TNNI3K: variants seen among roughly 807,000 people sequenced by gnomAD.
TNNI3K encodes the protein TNNI3 interacting kinase.
TNNI3K carries 140 observed loss-of-function variants against 114.5 expected under a neutral mutation model. The ratio of observed to expected loss-of-function variants is 1.22; its 90% CI spans 1.07 to 1.41. The LOEUF (loss-of-function observed/expected upper bound fraction) is 1.41. Among genes scored for constraint, TNNI3K ranks in the 40% most tolerant of loss-of-function variants. TNNI3K has a pLI of 0.00. For synonymous variants in TNNI3K, 347 were observed against 347.5 expected (o/e 1.00, Z 0.02); for missense variants, 1,125 against 1,007.6 (o/e 1.12, Z -1.58).
chr1:74,420,798 A>G (rs928086482), intron 17 of TNNI3K, among the ~76,000 whole-genome samples: 1 of 152,090 alleles, frequency 6.6e-6, no homozygotes. Context: ...ACTTTTATCA[A>G]TCTTTGAAAC....
intron 11 of TNNI3K, chr1:74,366,807 A>T (rs1221850057): frequency 6.6e-6 from 1 of 152,516 alleles, no homozygotes; most frequent in African/African-American, 2.4e-5. Context: ...GCTGCATAAT[A>T]CTACAATACT....
chr1:74,479,366 A>G (rs1025442652), intron 21 of TNNI3K, among the ~76,000 whole-genome samples: 4 of 152,224 alleles, frequency 2.6e-5, no homozygotes, highest in Admixed American at 1.3e-4. Flanking sequence ...CATAAATTTT[A>G]AATTACAAAA....
At chr1:74,532,616 C>T (rs2100444986) in intron 23 of TNNI3K, among the ~76,000 whole-genome samples, 1 of 151,326 alleles carries the variant, frequency 6.6e-6, no homozygotes, top group Non-Finnish European at 1.5e-5. Flanking sequence ...CTAATGCTAT[C>T]CCTCCCCCCT....
chr1:74,364,211 C>G (rs1004747103), intron 11 of TNNI3K, among the ~76,000 whole-genome samples: 9 of 151,496 alleles, frequency 5.9e-5, no homozygotes, highest in Non-Finnish European at 2.9e-5. Context: ...TGCTATGTTG[C>G]CCAGCCTGGT....
intron 5 of TNNI3K, 44 bp from the exon 6 acceptor site, chr1:74,331,406 A>T (rs894662114): frequency 2.5e-6 from 4 of 1,589,040 alleles, no homozygotes; most frequent in Non-Finnish European, 3.4e-6. Flanking sequence ...TAATAGGCAG[A>T]TAACTCAACT....
intron 17 of TNNI3K, among the ~76,000 whole-genome samples, chr1:74,417,366 G>A (rs988935754): frequency 5.9e-5 from 9 of 152,046 alleles, no homozygotes; most frequent in African/African-American, 1.9e-4. Flanking sequence ...ACTAATGCAG[G>A]CCCATGTCCT....
At chr1:74,244,235 G>T (rs1293849914) in intron 2 of TNNI3K, among the ~76,000 whole-genome samples, 1 of 152,070 alleles carries the variant, frequency 6.6e-6, no homozygotes, top group Non-Finnish European at 1.5e-5. Flanking sequence ...AAATATTATA[G>T]GAGTCTATTC....
At chr1:74,451,749 T>TTCC (rs1667034232) in intron 20 of TNNI3K, among the ~76,000 whole-genome samples, 1 of 16,426 alleles carries the variant, frequency 6.1e-5, no homozygotes, top group Non-Finnish European at 1.0e-4. Context: ...CTTTCTTTCT[T>TTCC]TTCTTTTCTT....
chr1:74,395,965 G>C (rs922033703), intron 17 of TNNI3K, among the ~76,000 whole-genome samples: 11 of 152,188 alleles, frequency 7.2e-5, no homozygotes, highest in African/African-American at 2.7e-4. Context: ...AGTGTGCCAA[G>C]CTTTAATTCT....
At chr1:74,352,846 A>T (rs1037514948) in intron 9 of TNNI3K, among the ~76,000 whole-genome samples, 4 of 152,038 alleles carry the variant, frequency 2.6e-5, no homozygotes, top group Non-Finnish European at 5.9e-5. Context: ...GAGTGACCCA[A>T]TTTTCCAGGT....
intron 7 of TNNI3K, among the ~76,000 whole-genome samples, chr1:74,337,659 A>G (rs964756685): frequency 2.6e-5 from 4 of 152,124 alleles, no homozygotes; most frequent in Non-Finnish European, 4.4e-5. Context: ...CCAGATCAAG[A>G]TTTAGAATAT....
chr1:74,536,765 C>T (rs1051271250), intron 23 of TNNI3K, among the ~76,000 whole-genome samples: 36 of 152,116 alleles, frequency 2.4e-4, no homozygotes, highest in African/African-American at 8.0e-4. Context: ...AGTTGACCAG[C>T]AATGTTGAAA....
At chr1:74,412,366 C>T (rs1267416563) in intron 17 of TNNI3K, among the ~76,000 whole-genome samples, 1 of 152,008 alleles carries the variant, frequency 6.6e-6, no homozygotes, top group Non-Finnish European at 1.5e-5. Context: ...TTAATTTAGG[C>T]AAAGAAACAC....
chr1:74,298,560 C>T (rs1570435453), intron 5 of TNNI3K, among the ~76,000 whole-genome samples: 1 of 152,094 alleles, frequency 6.6e-6, no homozygotes, highest in East Asian at 1.9e-4. Context: ...TATCATAAAT[C>T]TGCAATAGAC....
At chr1:74,425,471 A>G (rs1424749483) in intron 17 of TNNI3K, among the ~76,000 whole-genome samples, 1 of 152,148 alleles carries the variant, frequency 6.6e-6, no homozygotes, top group Non-Finnish European at 1.5e-5. Context: ...TGGTCTGATA[A>G]CTAACGAATT....
At chr1:74,242,187 T>G (rs1407736515) in intron 2 of TNNI3K, among the ~76,000 whole-genome samples, 2 of 152,130 alleles carry the variant, frequency 1.3e-5, no homozygotes, top group Non-Finnish European at 2.9e-5. Context: ...GACATCAACA[T>G]AATCCAAAAC....
chr1:74,235,604 G>A, intron 1 of TNNI3K, 113 bp downstream of exon 1: 1 of 589,182 alleles, frequency 1.7e-6, no homozygotes, highest in Non-Finnish European at 2.9e-6. Flanking sequence ...AGATAAGGCA[G>A]CATGTTTTGT....
chr1:74,261,585 A>G (rs985267439), intron 4 of TNNI3K, among the ~76,000 whole-genome samples: 1 of 152,076 alleles, frequency 6.6e-6, no homozygotes, highest in African/African-American at 2.4e-5. Context: ...GAAACACAAG[A>G]CTTTGGGGAA....
intron 23 of TNNI3K, among the ~76,000 whole-genome samples, chr1:74,530,241 C>CA (rs1344175605): frequency 3.3e-5 from 5 of 152,116 alleles, no homozygotes; most frequent in African/African-American, 1.2e-4. Context: ...GATAAAAAGC[C>CA]ATGGAAAAAG....
Sources: allele counts gnomAD v4.1 joint callset (sites outside exome capture counted in the v4.1 genomes callset), GRCh38; gene constraint gnomAD v4.1.1; transcripts MANE v1.5; gene names NCBI Gene and HGNC (gene_info 2026-07-23, HGNC 2026-07-21).